CLIC4: variants seen among roughly 807,000 people sequenced by gnomAD.
The protein encoded by CLIC4 is chloride intracellular channel protein 4.
In CLIC4, 13 loss-of-function variants were observed where a neutral mutation model predicts 24.6. The observed-to-expected ratio is 0.53, with a 90% CI of 0.34 to 0.84. The LOEUF (loss-of-function observed/expected upper bound fraction) is 0.84. Ranked by LOEUF, CLIC4 falls within the 40% of genes least tolerant of loss-of-function variation. The probability of loss-of-function intolerance (pLI) is 0.01; values close to 1 mark genes in which losing one functional copy is unlikely to be tolerated. For missense variants in CLIC4, 227 were observed against 301.7 expected (o/e 0.75, Z 1.83); for synonymous variants, 104 against 111.3 (o/e 0.93, Z 0.41).
chr1:24,823,548 G>T (rs1180717595), intron 3 of CLIC4, among the ~76,000 whole-genome samples: 1 of 152,156 alleles, frequency 6.6e-6, no homozygotes, highest in Non-Finnish European at 1.5e-5. Flanking sequence ...GCCAAGGCGG[G>T]TGGATCATGA....
Position 24,793,065 on chromosome 1 carries a change from G to C in CLIC4, c.73-4677G>C, listed in dbSNP as rs1452287024. The C allele has an allele frequency of 2.0e-5, 3 of 152,034 alleles. No individual in the cohort carries two copies. The East Asian group carries it at 5.8e-4, about 29-fold the overall frequency. The allele number at this position is 152,034 out of a possible 1,614,324, so 9.4% of individuals were successfully genotyped here. ...AATGATTTTAACACTGCTTTGACAG[G>C]CAGCTTGGGAAATTTTAGTTAATTT... On this transcript the variant is annotated intron_variant, in intron 1 of 5. Coordinates refer to ENST00000374379, the MANE Select transcript of CLIC4 (RefSeq NM_013943.3).
At chr1:24,813,161 A>G (rs992493953) in intron 2 of CLIC4, among the ~76,000 whole-genome samples, 13 of 149,436 alleles carry the variant, frequency 8.7e-5, no homozygotes, top group Admixed American at 3.4e-4. Context: ...CTCCTGCCTC[A>G]GCCTCCTGAG....
rs143772392 is a variant in CLIC4 at position 24,805,203 on chromosome 1, A to G, written c.182+7352A>G. Among the ~76,000 whole-genome samples the G allele has an allele frequency of 2.9e-3, 435 of 152,232 alleles. 1 individual carries two copies. Among genetic ancestry groups the G allele is most frequent in the African/African-American group, 9.8e-3 (405 of 41,538 alleles). On this transcript the variant is annotated intron_variant, in intron 2 of 5. Transcript: ENST00000374379. ...TATTCCTCCACAGATTGACAATAAA[A>G]TTGACATTAAAAGTAGACAGATTAA...
At chr1:24,804,162 A>G (rs1639520267) in intron 2 of CLIC4, among the ~76,000 whole-genome samples, 1 of 152,052 alleles carries the variant, frequency 6.6e-6, no homozygotes, top group Non-Finnish European at 1.5e-5. Flanking sequence ...CAAGAGACTA[A>G]ATGGAATGAG....
chr1:24,768,731 A>G (rs981061512), intron 1 of CLIC4, among the ~76,000 whole-genome samples: 6 of 152,034 alleles, frequency 3.9e-5, no homozygotes, highest in African/African-American at 1.4e-4. Context: ...GTGAAACCCC[A>G]TCTCTACTCA....
intron 2 of CLIC4, among the ~76,000 whole-genome samples, chr1:24,799,049 C>T (rs1173412617): frequency 6.6e-6 from 1 of 152,210 alleles, no homozygotes; most frequent in East Asian, 1.9e-4. Flanking sequence ...GAGATTGCAG[C>T]CTCTGCCCGG....
intron 4 of CLIC4, among the ~76,000 whole-genome samples, chr1:24,838,903 A>T (rs529984105): frequency 6.6e-5 from 10 of 152,110 alleles, no homozygotes; most frequent in South Asian, 2.1e-4. Flanking sequence ...CATGACAATC[A>T]GAATCATGAC....
At position 24,842,329 on chromosome 1, in the gene CLIC4, A is replaced by T. The variant is rs1156894071; in HGVS notation, c.*1392A>T. ...ATGTATTTACTCTTTTTTAAAAGAC[A>T]AAAGCAAAACCAGACTTTCTACGTA... On this transcript the variant is annotated 3_prime_UTR_variant, in exon 6 of 6. Coordinates refer to ENST00000374379, the MANE Select transcript of CLIC4 (RefSeq NM_013943.3). 1 of 152,190 alleles carries T rather than the reference A, an allele frequency of 6.6e-6. No homozygotes were observed. The highest frequency in any genetic ancestry group is 1.5e-5 in the Non-Finnish European group (1 of 68,014). The allele number at this position is 152,190 out of a possible 1,614,324, so 9.4% of individuals were successfully genotyped here. A position where few individuals can be genotyped will look rare whatever the true frequency, so the allele number is the denominator to read the frequency against.
At chr1:24,819,461 G>A (rs1474866887) in intron 3 of CLIC4, among the ~76,000 whole-genome samples, 2 of 150,984 alleles carry the variant, frequency 1.3e-5, no homozygotes, top group Non-Finnish European at 3.0e-5. Flanking sequence ...TTTTGAGACG[G>A]AGTTTCACTT....
intron 4 of CLIC4, among the ~76,000 whole-genome samples, chr1:24,829,796 ACTC>A: frequency 6.6e-6 from 1 of 151,488 alleles, no homozygotes; most frequent in East Asian, 1.9e-4. Context: ...TCTCCCCACT[ACTC>A]CTGCCTTTCT....
chr1:24,776,921 AC>A (rs1259936733), intron 1 of CLIC4, among the ~76,000 whole-genome samples: 19 of 152,160 alleles, frequency 1.2e-4, no homozygotes, highest in Non-Finnish European at 2.4e-4. Flanking sequence ...TCAAAAAAAA[AC>A]CCGAAAATGC....
At chr1:24,840,712 T>G (rs1229475219) in intron 5 of CLIC4, 61 bp from the exon 6 acceptor site, 3 of 1,340,280 alleles carry the variant, frequency 2.2e-6, no homozygotes, top group Non-Finnish European at 3.1e-6. Flanking sequence ...AAATCAGAGA[T>G]ATGTCTAGTT....
chr1:24,822,800 T>C (rs750228220), intron 3 of CLIC4, among the ~76,000 whole-genome samples: 1 of 152,200 alleles, frequency 6.6e-6, no homozygotes, highest in Non-Finnish European at 1.5e-5. Context: ...ATTAGCATAA[T>C]TTTCATCATG....
At chr1:24,789,960 C>T (rs1276855460) in intron 1 of CLIC4, among the ~76,000 whole-genome samples, 1 of 152,158 alleles carries the variant, frequency 6.6e-6, no homozygotes, top group Non-Finnish European at 1.5e-5. Flanking sequence ...AGTAAGACTC[C>T]TTTGACATTT....
At chr1:24,757,138 G>A (rs1408279557) in intron 1 of CLIC4, among the ~76,000 whole-genome samples, 3 of 151,844 alleles carry the variant, frequency 2.0e-5, no homozygotes, top group African/African-American at 7.3e-5. Flanking sequence ...CAGGTGATCC[G>A]CCTGCCTCGG....
At chr1:24,799,535 G>GC (rs1235459981) in intron 2 of CLIC4, among the ~76,000 whole-genome samples, 3 of 151,350 alleles carry the variant, frequency 2.0e-5, no homozygotes, top group African/African-American at 4.9e-5. Context: ...CCGCCCGGCA[G>GC]CCCCCCCATC....
chr1:24,746,660 C>CT (rs1189034280), intron 1 of CLIC4, among the ~76,000 whole-genome samples: 2 of 151,936 alleles, frequency 1.3e-5, no homozygotes, highest in Non-Finnish European at 2.9e-5. Context: ...CTATTGGGTT[C>CT]TTTTTTTTCC....
chr1:24,784,101 C>G (rs1273171658), intron 1 of CLIC4, among the ~76,000 whole-genome samples: 1 of 150,640 alleles, frequency 6.6e-6, no homozygotes, highest in Non-Finnish European at 1.5e-5. Context: ...TTGTGTTTCA[C>G]TCTATTTTCA....
chr1:24,753,835 A>G (rs1212056718), intron 1 of CLIC4, among the ~76,000 whole-genome samples: 1 of 152,196 alleles, frequency 6.6e-6, no homozygotes, highest in Non-Finnish European at 1.5e-5. Context: ...GACAGTTTAA[A>G]GTGGGAATTC....
Sources: gnomAD v4.1 joint callset for allele counts (sites outside exome capture counted in the v4.1 genomes callset) on GRCh38, gnomAD v4.1.1 for gene constraint, MANE v1.5 for transcripts, NCBI Gene and HGNC (gene_info 2026-07-23, HGNC 2026-07-21) for gene names.